The following FHIT variants were observed in gnomAD, a reference collection of about 807,000 sequenced individuals.
FHIT encodes the protein bis(5'-adenosyl)-triphosphatase.
Under a neutral mutation model 17.9 loss-of-function variants are expected in FHIT, and 19 were observed. The observed-to-expected ratio is 1.06, with a 90% CI of 0.74 to 1.56. The LOEUF (loss-of-function observed/expected upper bound fraction) is 1.56. Ranked by LOEUF, FHIT falls within the 40% of genes most tolerant of loss-of-function variation. FHIT has a pLI of 0.00. For missense variants in FHIT, 248 were observed against 189.2 expected (o/e 1.31, Z -1.82); for synonymous variants, 81 against 69.7 (o/e 1.16, Z -0.81).
intron 8 of FHIT, among the ~76,000 whole-genome samples, chr3:59,883,531 C>G (rs960069924): frequency 6.6e-6 from 1 of 152,228 alleles, no homozygotes; most frequent in South Asian, 2.1e-4. Context: ...ATGGGGGAAA[C>G]TGCCCCCATG....
At chr3:60,775,721 C>G (rs57164580) in intron 4 of FHIT, among the ~76,000 whole-genome samples, 18,297 of 152,136 alleles carry the variant, frequency 0.12, 1,333 homozygotes, top group African/African-American at 0.2. Flanking sequence ...TCCCCGTGGC[C>G]TTTTCCTTCC....
chr3:60,423,407 T>G (rs1466132035), intron 5 of FHIT, among the ~76,000 whole-genome samples: 1 of 152,082 alleles, frequency 6.6e-6, no homozygotes, highest in Non-Finnish European at 1.5e-5. Context: ...AAACAGAGCG[T>G]GAGAAACAGT....
intron 2 of FHIT, among the ~76,000 whole-genome samples, chr3:61,167,373 A>G (rs113824971): frequency 5.3e-5 from 8 of 151,984 alleles, no homozygotes; most frequent in Non-Finnish European, 8.8e-5. Context: ...GCTGTGGCTC[A>G]TGCCTGTAAT....
intron 4 of FHIT, among the ~76,000 whole-genome samples, chr3:60,691,216 A>G (rs2040981723): frequency 6.6e-6 from 1 of 152,114 alleles, no homozygotes; most frequent in Admixed American, 6.5e-5. Context: ...TTCTGCCTCA[A>G]GAACATCTGT....
chr3:59,955,950 T>C (rs1049363537), intron 7 of FHIT, among the ~76,000 whole-genome samples: 1 of 152,196 alleles, frequency 6.6e-6, no homozygotes, highest in Non-Finnish European at 1.5e-5. Context: ...CCCAGTACTC[T>C]GTGTTCCATC....
chr3:60,537,389 T>C (rs1159257432), intron 4 of FHIT: 2 of 756,306 alleles, frequency 2.6e-6, no homozygotes, highest in East Asian at 2.5e-4. Context: ...TTCTAATTCT[T>C]AAATGCTTCT....
At chr3:60,415,906 TTA>T (rs1702230283) in intron 5 of FHIT, among the ~76,000 whole-genome samples, 2 of 71,078 alleles carry the variant, frequency 2.8e-5, no homozygotes, top group Non-Finnish European at 6.7e-5. Context: ...TACAATATAA[TTA>T]TATATAACAT....
At chr3:60,474,317 T>C (rs1436552268) in intron 5 of FHIT, among the ~76,000 whole-genome samples, 1 of 152,148 alleles carries the variant, frequency 6.6e-6, no homozygotes, top group Non-Finnish European at 1.5e-5. Flanking sequence ...AAATTCAGAA[T>C]TAATGAAAAA....
At position 61,184,832 on chromosome 3, in the gene FHIT, G is replaced by A. The variant is rs11927051; in HGVS notation, c.-164+15785C>T. 8.5e-5 allele frequency among the ~76,000 whole-genome samples: 13 copies of A among 152,124 alleles called. 1 individual carries two copies. In the South Asian group the frequency reaches 2.3e-3, roughly 27 times the overall value. On this transcript the variant is annotated intron_variant, in intron 2 of 9. Coordinates refer to ENST00000492590, the MANE Select transcript of FHIT (RefSeq NM_002012.4). The stretch of plus-strand genomic sequence containing the variant: ...CCTCAGAATCCACTCTAATGAACAC[G>A]CTGTGTTTAAACAAGGGATCTCACA...
At chr3:60,039,373 GT>G (rs1428521571) in intron 5 of FHIT, among the ~76,000 whole-genome samples, 1 of 152,152 alleles carries the variant, frequency 6.6e-6, no homozygotes, top group African/African-American at 2.4e-5. Context: ...ACCAAAGGCT[GT>G]CAAAGTAACC....
intron 5 of FHIT, among the ~76,000 whole-genome samples, chr3:60,095,182 C>G (rs551107639): frequency 2.0e-5 from 3 of 152,248 alleles, no homozygotes; most frequent in Admixed American, 6.5e-5. Flanking sequence ...CCAAGAGGCA[C>G]AACGATGCAT....
chr3:60,804,109 C>A (rs1701298572), intron 4 of FHIT, among the ~76,000 whole-genome samples: 1 of 152,174 alleles, frequency 6.6e-6, no homozygotes, highest in African/African-American at 2.4e-5. Context: ...AAGCTCCTTT[C>A]ATAACCCTGT....
intron 2 of FHIT, among the ~76,000 whole-genome samples, chr3:61,053,197 T>C (rs2034090155): frequency 6.6e-6 from 1 of 152,124 alleles, no homozygotes; most frequent in Non-Finnish European, 1.5e-5. Flanking sequence ...TTAAGAGATC[T>C]CAAATATATG....
intron 5 of FHIT, among the ~76,000 whole-genome samples, chr3:60,081,901 C>T (rs755036964): frequency 7.5e-5 from 10 of 134,094 alleles, no homozygotes; most frequent in South Asian, 5.1e-4. Context: ...TAACCACAAA[C>T]GTTAAGTGAT....
intron 4 of FHIT, among the ~76,000 whole-genome samples, chr3:60,815,898 A>G (rs11715779): frequency 0.32 from 49,166 of 151,848 alleles, 8,739 homozygotes; most frequent in Middle Eastern, 0.4. Flanking sequence ...TGTGTCTTCT[A>G]TGATTTCTTT....
chr3:60,527,032 C>G (rs2035601660), intron 5 of FHIT, among the ~76,000 whole-genome samples: 1 of 152,178 alleles, frequency 6.6e-6, no homozygotes, highest in South Asian at 2.1e-4. Context: ...GCTGCTGCCT[C>G]TCAGTAATGT....
At chr3:60,265,882 T>A (rs1163096137) in intron 5 of FHIT, among the ~76,000 whole-genome samples, 1 of 151,888 alleles carries the variant, frequency 6.6e-6, no homozygotes, top group Non-Finnish European at 1.5e-5. Flanking sequence ...GAGTCACCAT[T>A]TGGCACCCAC....
chr3:60,330,941 A>C (rs1709936492), intron 5 of FHIT, among the ~76,000 whole-genome samples: 1 of 152,190 alleles, frequency 6.6e-6, no homozygotes, highest in Non-Finnish European at 1.5e-5. Context: ...CACATCCCTC[A>C]GTTCTTTGAA....
At chr3:60,681,173 T>A (rs528414684) in intron 4 of FHIT, among the ~76,000 whole-genome samples, 1 of 152,338 alleles carries the variant, frequency 6.6e-6, no homozygotes, top group Admixed American at 6.5e-5. Flanking sequence ...ACGTGTTCAT[T>A]TCACGTCTAT....
Sources: gnomAD v4.1 joint callset for allele counts (sites outside exome capture counted in the v4.1 genomes callset) on GRCh38, gnomAD v4.1.1 for gene constraint, MANE v1.5 for transcripts, NCBI Gene and HGNC (gene_info 2026-07-23, HGNC 2026-07-21) for gene names.